GRIP1: variants seen among roughly 807,000 people sequenced by gnomAD.
GRIP1 encodes the protein glutamate receptor-interacting protein 1.
Under a neutral mutation model 129.9 loss-of-function variants are expected in GRIP1, and 45 were observed. The observed-to-expected ratio is 0.35, with a 90% CI of 0.27 to 0.44. The LOEUF (loss-of-function observed/expected upper bound fraction) is 0.44, where lower values mean the gene tolerates loss of function less well. Among genes scored for constraint, GRIP1 ranks in the 20% least tolerant of loss-of-function variants. The pLI, the probability that GRIP1 is intolerant of heterozygous loss-of-function variation, is 1.00. For missense variants in GRIP1, 1,196 were observed against 1,396.8 expected (o/e 0.86, Z 2.29); for synonymous variants, 530 against 520.8 (o/e 1.02, Z -0.24).
chr12:66,550,550 A>C (rs1489023463), intron 2 of GRIP1, among the ~76,000 whole-genome samples: 2 of 152,192 alleles, frequency 1.3e-5, no homozygotes, highest in Non-Finnish European at 2.9e-5. Context: ...AATTGTGTGC[A>C]TTATTTCAGG....
intron 2 of GRIP1, among the ~76,000 whole-genome samples, chr12:66,591,212 G>A (rs1453977549): frequency 1.3e-5 from 2 of 152,174 alleles, no homozygotes; most frequent in Non-Finnish European, 2.9e-5. Context: ...AGAATCTCAG[G>A]TATATTTGCA....
intron 1 of GRIP1, among the ~76,000 whole-genome samples, chr12:66,930,516 T>C (rs1455831400): frequency 6.6e-6 from 1 of 151,690 alleles, no homozygotes; most frequent in Non-Finnish European, 1.5e-5. Context: ...TTGTTGGACA[T>C]TTGGGTTGGT....
At chr12:66,937,849 A>G (rs76256304) in intron 1 of GRIP1, among the ~76,000 whole-genome samples, 2,144 of 152,284 alleles carry the variant, frequency 0.014, 54 homozygotes, top group African/African-American at 0.049. Context: ...ATTACAACAA[A>G]CAGGTGGTAT....
At chr12:66,361,870 T>C (rs1262549750) in intron 23 of GRIP1, among the ~76,000 whole-genome samples, 7 of 152,134 alleles carry the variant, frequency 4.6e-5, no homozygotes, top group African/African-American at 1.7e-4. Context: ...CTCAGGAACA[T>C]CCTGCAGCTC....
chr12:66,723,294 T>TGAGACAGAG (rs1565988040), intron 1 of GRIP1, among the ~76,000 whole-genome samples: 1 of 61,458 alleles, frequency 1.6e-5, no homozygotes, highest in African/African-American at 1.1e-4. Flanking sequence ...CTTTCTTTCT[T>TGAGACAGAG]TCTTTCTTTC....
chr12:66,970,310 A>G (rs898634553), intron 1 of GRIP1, among the ~76,000 whole-genome samples: 1 of 152,054 alleles, frequency 6.6e-6, no homozygotes, highest in African/African-American at 2.4e-5. Context: ...TTGAACTTCT[A>G]GCCTCAAGTC....
intron 7 of GRIP1, among the ~76,000 whole-genome samples, chr12:66,492,317 C>A (rs374051872): frequency 6.6e-6 from 1 of 151,962 alleles, no homozygotes; most frequent in Non-Finnish European, 1.5e-5. Context: ...CATTTCTGAC[C>A]GACCTCCTTG....
chr12:66,476,437 A>G (rs916943280), intron 7 of GRIP1, among the ~76,000 whole-genome samples: 1 of 152,358 alleles, frequency 6.6e-6, no homozygotes, highest in Admixed American at 6.5e-5. Flanking sequence ...TACCAGAGGT[A>G]CAAGGAGGAG....
chr12:66,755,009 T>C (rs1413625537), intron 1 of GRIP1, among the ~76,000 whole-genome samples: 1 of 152,204 alleles, frequency 6.6e-6, no homozygotes, highest in Non-Finnish European at 1.5e-5. Context: ...AATGCCATTA[T>C]ATCTTTTTGC....
chr12:66,580,989 A>C (rs1423242051), intron 2 of GRIP1, among the ~76,000 whole-genome samples: 1 of 152,214 alleles, frequency 6.6e-6, no homozygotes, highest in Non-Finnish European at 1.5e-5. Context: ...CTATTCCAAA[A>C]TTGACCACAT....
chr12:66,803,943 A>G (rs1384441748), intron 1 of GRIP1: 11 of 360,332 alleles, frequency 3.1e-5, no homozygotes, highest in Non-Finnish European at 5.6e-5. Flanking sequence ...GACTGCTCAC[A>G]GAGAACACCA....
At position 66,500,326 on chromosome 12, in the gene GRIP1, A is replaced by G. The variant is rs1005386158; in HGVS notation, c.724+15293T>C. On this transcript the variant is annotated intron_variant, in intron 7 of 24. Transcript: ENST00000359742. ...ACTCTATTGTCTCCAGATAGGACGA[A>G]AGTCATGAAGAAACAGAAAAACATA... 1.1e-4 allele frequency among the ~76,000 whole-genome samples: 17 copies of G among 152,292 alleles called. 1 individual carries two copies. Among genetic ancestry groups the G allele is most frequent in the Middle Eastern group, 3.4e-3 (1 of 294 alleles).
chr12:66,494,879 A>G (rs2060194234), intron 7 of GRIP1, among the ~76,000 whole-genome samples: 1 of 152,270 alleles, frequency 6.6e-6, no homozygotes, highest in South Asian at 2.1e-4. Flanking sequence ...GGAAGGAAAG[A>G]AGCATCTCAG....
Position 66,379,382 on chromosome 12 carries a change from G to A in GRIP1, c.2519C>T (p.Pro840Leu), listed in dbSNP as rs2137380401. The change falls in exon 20 of 25, where the codon CCA (proline) becomes CTA (leucine). Residue 840 changes from proline (P) to leucine (L), a missense_variant. By Grantham distance (98) the Pro-to-Leu change is moderately conservative (BLOSUM62 -3). Around this residue, in one of 5 missense-constraint regions of GRIP1, gnomAD observed 427 missense variants for 463.3 expected, o/e 0.92. Transcript: ENST00000359742. ...TGGGGACAAGCTGCCTCTCTGTTTT[G>A]GACTCCTCCAGTCATAGGTGTTGAA... ...YNFNTYDWRS[P>L]KQRGSLSPVT... The A allele has an allele frequency of 6.2e-7, 1 of 1,613,982 alleles. No individual in the cohort carries two copies. The highest frequency in any genetic ancestry group is 2.2e-5 in the East Asian group (1 of 44,886).
chr12:66,430,566 G>A lies in GRIP1; in HGVS notation c.1768+1982C>T, dbSNP rs997386484. 2.0e-5 allele frequency among the ~76,000 whole-genome samples: 3 copies of A among 152,090 alleles called. No homozygotes were observed. In the East Asian group the frequency reaches 5.8e-4, roughly 29 times the overall value. ...ATAATATTAAATGATTCTTCATGTGGATAAAACAAATATTTTGTAGTTTGT... is the reference window on the plus strand; with the variant it reads ...ATAATATTAAATGATTCTTCATGTGAATAAAACAAATATTTTGTAGTTTGT... On this transcript the variant is annotated intron_variant, in intron 14 of 24. Coordinates refer to ENST00000359742, the MANE Select transcript of GRIP1 (RefSeq NM_001366722.1).
At chr12:66,992,650 C>T (rs1008139068) in intron 1 of GRIP1, among the ~76,000 whole-genome samples, 4 of 152,130 alleles carry the variant, frequency 2.6e-5, no homozygotes, top group African/African-American at 9.7e-5. Flanking sequence ...CAGGCTAGAC[C>T]ATATGGTAGG....
At chr12:66,438,522 T>A (rs1216896142) in intron 13 of GRIP1, among the ~76,000 whole-genome samples, 1 of 151,568 alleles carries the variant, frequency 6.6e-6, no homozygotes, top group Non-Finnish European at 1.5e-5. Context: ...GAGTTTTTTT[T>A]TTTTGCTCTG....
intron 1 of GRIP1, among the ~76,000 whole-genome samples, chr12:66,855,235 G>A (rs1452392520): frequency 2.6e-5 from 4 of 151,890 alleles, no homozygotes; most frequent in Non-Finnish European, 5.9e-5. Flanking sequence ...TCACTTTGAA[G>A]GACATCACTA....
chr12:66,377,380 T>G (rs980031889), intron 20 of GRIP1, 95 bp from the exon 21 acceptor site: 3 of 829,180 alleles, frequency 3.6e-6, no homozygotes, highest in African/African-American at 3.4e-5. Flanking sequence ...CAGGCTGGAG[T>G]GCAGTGGCGC....
Sources: gnomAD v4.1 joint callset for allele counts (sites outside exome capture counted in the v4.1 genomes callset) on GRCh38, gnomAD v4.1.1 for gene constraint, gnomAD v4.1.1 regional missense constraint, MANE v1.5 for transcripts, NCBI Gene and HGNC (gene_info 2026-07-23, HGNC 2026-07-21) for gene names.